Variants in RRP15 observed in about 807,000 individuals in gnomAD.
RRP15 encodes the protein ribosomal RNA processing 15 homolog, also known as RRP15-like protein.
RRP15 carries 18 observed loss-of-function variants against 27.1 expected under a neutral mutation model. The ratio of observed to expected loss-of-function variants is 0.66; its 90% CI spans 0.46 to 0.98. RRP15 has a LOEUF of 0.98. Among genes scored for constraint, RRP15 ranks in the 50% least tolerant of loss-of-function variants. RRP15 has a pLI of 0.00. For missense variants in RRP15, 359 were observed against 337.8 expected, an observed-to-expected ratio of 1.06 and a Z score of -0.49; for synonymous variants, 107 against 109.4, an observed-to-expected ratio of 0.98 and a Z score of 0.14.
intron 4 of RRP15, among the ~76,000 whole-genome samples, chr1:218,310,009 G>A (rs140150661): frequency 1.3e-5 from 2 of 152,300 alleles, no homozygotes; most frequent in African/African-American, 4.8e-5. Flanking sequence ...TTTTAAGGTA[G>A]ATCAAGGGAA....
chr1:218,302,555 A>T lies in RRP15; in HGVS notation c.401A>T (p.Lys134Ile). The T allele has an allele frequency of 6.2e-7, 1 of 1,611,774 alleles. No individual in the cohort carries two copies. Among genetic ancestry groups the T allele is most frequent in the Non-Finnish European group, 8.5e-7 (1 of 1,179,334 alleles). ...KLKQERLEKI[K>I]QRDKRLEWEM... ...AAGCAAGAAAGACTAGAGAAAATAAAACAGGTATGTTCCACCAGTTCTCTT... is the reference window on the plus strand; with the variant it reads ...AAGCAAGAAAGACTAGAGAAAATAATACAGGTATGTTCCACCAGTTCTCTT... Residue 134 changes from lysine to isoleucine, a missense_variant, in exon 2 of 5, where the codon AAA becomes ATA. By Grantham distance (102) the Lys-to-Ile change is moderately radical (BLOSUM62 -3). Transcript: ENST00000366932.
At chr1:218,295,538 C>G (rs1655706038) in intron 1 of RRP15, among the ~76,000 whole-genome samples, 1 of 152,172 alleles carries the variant, frequency 6.6e-6, no homozygotes, top group African/African-American at 2.4e-5. Flanking sequence ...GACTTGATAA[C>G]AATTCAGGTT....
chr1:218,323,021 T>C (rs953429138), intron 4 of RRP15, among the ~76,000 whole-genome samples: 3 of 152,168 alleles, frequency 2.0e-5, no homozygotes, highest in African/African-American at 2.4e-5. Context: ...CCAGGTGTAC[T>C]GTAAGCAGCT....
At chr1:218,285,582 C>G (rs141676504) in intron 1 of RRP15, 127 bp downstream of exon 1, 14 of 1,228,454 alleles carry the variant, frequency 1.1e-5, no homozygotes, top group Non-Finnish European at 1.6e-5. Flanking sequence ...TTCAGAGGGG[C>G]GACTTTGGCT....
At chr1:218,305,348 A>T (rs1231882989) in intron 3 of RRP15, among the ~76,000 whole-genome samples, 1 of 152,186 alleles carries the variant, frequency 6.6e-6, no homozygotes, top group Non-Finnish European at 1.5e-5. Flanking sequence ...ATTTCAGATC[A>T]TCTTGTTTTT....
intron 1 of RRP15, among the ~76,000 whole-genome samples, chr1:218,291,157 A>G (rs1242456466): frequency 6.6e-6 from 1 of 150,920 alleles, no homozygotes; most frequent in African/African-American, 2.4e-5. Context: ...AAAAATTTAG[A>G]CTGGACATGG....
chr1:218,302,318 A>C lies in RRP15; in HGVS notation c.164A>C (p.His55Pro). 1 of 1,613,332 alleles carries C rather than the reference A, an allele frequency of 6.2e-7. No individual in the cohort carries two copies. Among genetic ancestry groups the C allele is most frequent in the Non-Finnish European group, 8.5e-7 (1 of 1,179,554 alleles). ...SEGSCGSEKD[H>P]FYSDDDAIEA... is the part of the protein sequence containing the mutation. ...GGAAGCTGTGGATCGGAAAAGGACC[A>C]CTTTTATTCTGATGATGACGCAATA... Residue 55 changes from histidine (H) to proline (P), a missense_variant, in exon 2 of 5, where the codon CAC (histidine) becomes CCC (proline). Physicochemically the swap from His to Pro is moderately conservative, Grantham distance 77. Coordinates refer to ENST00000366932, the MANE Select transcript of RRP15 (RefSeq NM_016052.4).
intron 1 of RRP15, among the ~76,000 whole-genome samples, chr1:218,300,540 A>G (rs1430648256): frequency 1.3e-5 from 2 of 152,230 alleles, no homozygotes; most frequent in Admixed American, 6.5e-5. Flanking sequence ...TTTATGGCTT[A>G]AAGTCAAGAG....
At chr1:218,304,909 C>T in intron 2 of RRP15, 119 bp from the exon 3 acceptor site, 1 of 922,660 alleles carries the variant, frequency 1.1e-6, no homozygotes, top group Non-Finnish European at 1.7e-6. Context: ...TTAAAAGCCC[C>T]TGACAAACTA....
At chr1:218,327,485 A>G (rs1391834741) in intron 4 of RRP15, among the ~76,000 whole-genome samples, 1 of 151,886 alleles carries the variant, frequency 6.6e-6, no homozygotes, top group Non-Finnish European at 1.5e-5. Context: ...TGTATTTTTA[A>G]TAGAAGCGGG....
At chr1:218,317,602 A>T (rs1158601322) in intron 4 of RRP15, among the ~76,000 whole-genome samples, 1 of 152,186 alleles carries the variant, frequency 6.6e-6, no homozygotes, top group Non-Finnish European at 1.5e-5. Context: ...TTATAAATTC[A>T]AGTTAGAATT....
At position 218,331,067 on chromosome 1, in the gene RRP15, A is replaced by G; in HGVS notation, c.825A>G (p.Glu275=). The change falls in exon 5 of 5, where the codon GAA becomes GAG. Residue 275 remains glutamate, a synonymous_variant. Coordinates refer to ENST00000366932, the MANE Select transcript of RRP15 (RefSeq NM_016052.4). ...ATGGGCCAGATGACAGCAGACCAGA[A>G]TCTGCAAGTGACTCTGATACATAAA... ...ESDGPDDSRP[E]SASDSDT 1 of 1,612,392 alleles carries G rather than the reference A, an allele frequency of 6.2e-7. No homozygotes were observed. Among genetic ancestry groups the G allele is most frequent in the Non-Finnish European group, 8.5e-7 (1 of 1,178,826 alleles).
At chr1:218,315,291 A>G (rs1330270412) in intron 4 of RRP15, among the ~76,000 whole-genome samples, 1 of 152,118 alleles carries the variant, frequency 6.6e-6, no homozygotes, top group Non-Finnish European at 1.5e-5. Flanking sequence ...CCAGACTCCA[A>G]ATTGCTATGT....
chr1:218,302,966 C>T (rs1020225299), intron 2 of RRP15, among the ~76,000 whole-genome samples: 4 of 151,684 alleles, frequency 2.6e-5, no homozygotes, highest in South Asian at 2.1e-4. Flanking sequence ...GTGACAATGT[C>T]GTAACTCAAG....
rs1024747243 is a variant in RRP15, at chr1:218,336,006, T to A, written c.*4915T>A. ...CACCAAACCTTAAATATTTTTGTTG[T>A]TCTCTAAAAGAATGGGTTTATGATG... On this transcript the variant is annotated 3_prime_UTR_variant, in exon 5 of 5. Coordinates refer to ENST00000366932, the MANE Select transcript of RRP15 (RefSeq NM_016052.4). 3.9e-5 allele frequency: 6 copies of A among 152,176 alleles called. No homozygotes were observed. The highest frequency in any genetic ancestry group is 3.3e-4 in the Admixed American group (5 of 15,270). 9.4% of individuals were successfully genotyped at this position (152,176 alleles called of 1,614,324 possible).
rs756433002 is a variant in RRP15, at chr1:218,305,016, T to C, written c.406-12T>C. On this transcript the variant is annotated splice_polypyrimidine_tract_variant and intron_variant, in intron 2 of 4. Coordinates refer to ENST00000366932, the MANE Select transcript of RRP15 (RefSeq NM_016052.4). Reference sequence around the variant, plus strand: ...TCTAATATTCTTTCACATAACAATATTTATAACGCAGCGTGATAAGAGGCT... The same window carrying C: ...TCTAATATTCTTTCACATAACAATACTTATAACGCAGCGTGATAAGAGGCT... The C allele has an allele frequency of 2.2e-5, 36 of 1,607,190 alleles. No individual in the cohort carries two copies. In the Middle Eastern group the frequency reaches 5.0e-4, roughly 22 times the overall value.
intron 2 of RRP15, among the ~76,000 whole-genome samples, chr1:218,304,551 T>C (rs1655865832): frequency 6.6e-6 from 1 of 152,238 alleles, no homozygotes; most frequent in South Asian, 2.1e-4. Context: ...AAAATAGTCA[T>C]TGTATAAGTA....
chr1:218,337,255 T>A lies in RRP15; in HGVS notation c.*6164T>A, dbSNP rs1256329748. ...TTCTCATCTATGTAATTCTGAGTCTTCCTTTTCTAGATAGAATTCCCCCCA... is the reference window on the plus strand; with the variant it reads ...TTCTCATCTATGTAATTCTGAGTCTACCTTTTCTAGATAGAATTCCCCCCA... On this transcript the variant is annotated 3_prime_UTR_variant, in exon 5 of 5. Coordinates refer to ENST00000366932, the MANE Select transcript of RRP15 (RefSeq NM_016052.4). 6.6e-6 allele frequency: 1 copy of A among 152,180 alleles called. No individual in the cohort carries two copies. Among genetic ancestry groups the A allele is most frequent in the Non-Finnish European group, 1.5e-5 (1 of 68,032 alleles). The allele number at this position is 152,180 out of a possible 1,614,324, so 9.4% of individuals were successfully genotyped here.
In RRP15 at chr1:218,302,316, C is replaced by T. The variant is rs1205098331; in HGVS notation, c.162C>T (p.Asp54=). The change falls in exon 2 of 5, where the codon GAC becomes GAT. Residue 54 remains aspartate, a synonymous_variant. Coordinates refer to ENST00000366932, the MANE Select transcript of RRP15 (RefSeq NM_016052.4). ...TAGGAAGCTGTGGATCGGAAAAGGA[C>T]CACTTTTATTCTGATGATGACGCAA... ...DSEGSCGSEK[D]HFYSDDDAIE... 1.2e-6 allele frequency: 2 copies of T among 1,613,124 alleles called. No individual in the cohort carries two copies.
Sources: gnomAD v4.1 joint callset for allele counts (sites outside exome capture counted in the v4.1 genomes callset) on GRCh38, gnomAD v4.1.1 for gene constraint, MANE v1.5 for transcripts, NCBI Gene and HGNC (gene_info 2026-07-23, HGNC 2026-07-21) for gene names.